Variants in GOLM1 observed in about 807,000 individuals in gnomAD.
The protein encoded by GOLM1 is golgi membrane protein 1.
GOLM1 carries 31 observed loss-of-function variants against 50.5 expected under a neutral mutation model. The observed-to-expected ratio is 0.61, with a 90% CI of 0.46 to 0.83. The LOEUF is 0.83. Ranked by LOEUF, GOLM1 falls within the 40% of genes least tolerant of loss-of-function variation. The pLI, the probability that GOLM1 is intolerant of heterozygous loss-of-function variation, is 0.00. For synonymous variants in GOLM1, 178 were observed against 192.8 expected, an observed-to-expected ratio of 0.92 and a Z score of 0.64; for missense variants, 491 against 501.3, an observed-to-expected ratio of 0.98 and a Z score of 0.20.
At chr9:86,070,831 T>G (rs34607617) in intron 3 of GOLM1, among the ~76,000 whole-genome samples, 49,569 of 151,582 alleles carry the variant, frequency 0.33, 10,265 homozygotes, top group Non-Finnish European at 0.47. Flanking sequence ...AAGAAAAGAG[T>G]GAAATATTAC....
At position 86,027,074 on chromosome 9, in the gene GOLM1, A is replaced by C; in HGVS notation, c.*743T>G. 1.0e-6 allele frequency: 1 copy of C among 985,254 alleles called. No homozygotes were observed. The highest frequency in any genetic ancestry group is 1.2e-6 in the Non-Finnish European group (1 of 829,884). 61.0% of individuals were successfully genotyped at this position (985,254 alleles called of 1,614,324 possible). On this transcript the variant is annotated 3_prime_UTR_variant, in exon 10 of 10. Coordinates refer to ENST00000388712, the MANE Select transcript of GOLM1 (RefSeq NM_016548.4). ...AATCTGCTTCTTGCTTTTCTTGGTAATATATATTTAGGGAAGATGTTGCTT... is the reference window on the plus strand; with the variant it reads ...AATCTGCTTCTTGCTTTTCTTGGTACTATATATTTAGGGAAGATGTTGCTT...
intron 1 of GOLM1, among the ~76,000 whole-genome samples, chr9:86,094,332 A>T (rs1030357441): frequency 6.6e-6 from 1 of 152,216 alleles, no homozygotes; most frequent in Non-Finnish European, 1.5e-5. Context: ...CCATTTAGAC[A>T]GTTTGTCAAC....
chr9:86,096,567 G>C (rs1459568263), intron 1 of GOLM1, among the ~76,000 whole-genome samples: 3 of 152,204 alleles, frequency 2.0e-5, no homozygotes, highest in Non-Finnish European at 4.4e-5. Context: ...TGCAAACACA[G>C]GACAGCAAAA....
At chr9:86,066,150 A>G (rs747610145) in intron 3 of GOLM1, among the ~76,000 whole-genome samples, 29 of 152,338 alleles carry the variant, frequency 1.9e-4, no homozygotes, top group Admixed American at 3.3e-4. Context: ...ATCTTTCAGC[A>G]AAAGTCACTC....
intron 3 of GOLM1, among the ~76,000 whole-genome samples, chr9:86,053,566 C>CT (rs1564347360): frequency 0.012 from 28 of 2,362 alleles, 1 homozygote; most frequent in Non-Finnish European, 0.026. Flanking sequence ...TACACACACA[C>CT]ACATCACACA....
intron 3 of GOLM1, among the ~76,000 whole-genome samples, chr9:86,076,129 AT>A (rs1017107285): frequency 1.3e-5 from 2 of 152,012 alleles, no homozygotes; most frequent in Non-Finnish European, 2.9e-5. Flanking sequence ...TAAAAGCCAA[AT>A]TTTTCAGGCC....
intron 3 of GOLM1, among the ~76,000 whole-genome samples, chr9:86,062,586 GAC>G (rs1834192869): frequency 6.6e-6 from 1 of 150,616 alleles, no homozygotes; most frequent in South Asian, 2.1e-4. Context: ...AGAGGAGAGA[GAC>G]AGGGTCTGGA....
intron 3 of GOLM1, among the ~76,000 whole-genome samples, chr9:86,056,138 TC>T (rs78122546): frequency 0.66 from 99,514 of 151,912 alleles, 33,286 homozygotes; most frequent in African/African-American, 0.78. Flanking sequence ...TTAGCTCCCC[TC>T]CCGACCCAAA....
chr9:86,097,813 A>G (rs1481603149), intron 1 of GOLM1, among the ~76,000 whole-genome samples: 1 of 152,112 alleles, frequency 6.6e-6, no homozygotes, highest in Non-Finnish European at 1.5e-5. Context: ...GGCCATATAT[A>G]TATAAACCCG....
chr9:86,092,936 C>A (rs940558408), intron 1 of GOLM1, among the ~76,000 whole-genome samples: 2 of 152,174 alleles, frequency 1.3e-5, no homozygotes, highest in African/African-American at 4.8e-5. Flanking sequence ...ATTTAATATT[C>A]ATTTTCATTT....
rs10780743 is a variant in GOLM1, at chr9:86,052,667, T to A, written c.310-76A>T. 1.4e-3 allele frequency: 1,776 copies of A among 1,274,518 alleles called. 27 individuals carry two copies. In the African/African-American group the frequency reaches 0.024, roughly 17 times the overall value. The allele number at this position is 1,274,518 out of a possible 1,614,324, so 79.0% of individuals were successfully genotyped here. On this transcript the variant is annotated intron_variant, in intron 3 of 9. Transcript: ENST00000388712. ...GACAGCCAGATGTGATACAAACCAA[T>A]GATGGGGCCTGTCCCCAACCCAGCG...
At chr9:86,038,693 G>T (rs1222717780) in intron 6 of GOLM1, among the ~76,000 whole-genome samples, 1 of 152,196 alleles carries the variant, frequency 6.6e-6, no homozygotes, top group Non-Finnish European at 1.5e-5. Context: ...GGGAAAAGCA[G>T]TCTTTCTTTC....
In GOLM1 at chr9:86,035,509, C is replaced by T. The variant is rs775533253; in HGVS notation, c.874G>A (p.Gly292Arg). 1 of 1,612,942 alleles carries T rather than the reference C, an allele frequency of 6.2e-7. No homozygotes were observed. The highest frequency in any genetic ancestry group is 1.1e-5 in the South Asian group (1 of 91,064). Residue 292 changes from glycine (G) to arginine (R), a missense_variant, in exon 8 of 10, where the codon GGA (glycine) becomes AGA (arginine). Gly to Arg is a moderately radical substitution (Grantham distance 125, BLOSUM62 -2). Transcript: ENST00000388712. ...DRPVGGRGFG[G>R]AGELGQTPQV... is the part of the protein sequence containing the mutation. Reference sequence around the variant, plus strand: ...GGGGTCTGGCCCAGTTCTCCGGCTCCCCCGAAGCCTCTTCCACCTACAGGT... The same window carrying T: ...GGGGTCTGGCCCAGTTCTCCGGCTCTCCCGAAGCCTCTTCCACCTACAGGT...
chr9:86,027,802 T>G lies in GOLM1; in HGVS notation c.*15A>C. On this transcript the variant is annotated 3_prime_UTR_variant, in exon 10 of 10. Coordinates refer to ENST00000388712, the MANE Select transcript of GOLM1 (RefSeq NM_016548.4). ...CTCTTCGGCCCTGTTGTGAAATATG[T>G]GATTCCAGTTCAATTCAGAGTGTAT... is the stretch of plus-strand genomic sequence containing the variant. 1 of 1,611,634 alleles carries G rather than the reference T, an allele frequency of 6.2e-7. No individual in the cohort carries two copies. The highest frequency in any genetic ancestry group is 8.5e-7 in the Non-Finnish European group (1 of 1,178,514).
chr9:86,063,276 C>G (rs1834213168), intron 3 of GOLM1, among the ~76,000 whole-genome samples: 1 of 152,240 alleles, frequency 6.6e-6, no homozygotes, highest in East Asian at 1.9e-4. Context: ...TGTGCAAGGG[C>G]TGGAGGCCTG....
intron 1 of GOLM1, among the ~76,000 whole-genome samples, chr9:86,093,608 A>G (rs1835254982): frequency 6.8e-6 from 1 of 146,596 alleles, no homozygotes; most frequent in Non-Finnish European, 1.5e-5. Context: ...AGAAAAGGAA[A>G]AAACTGCATA....
intron 3 of GOLM1, among the ~76,000 whole-genome samples, chr9:86,071,540 G>A (rs1834448007): frequency 6.6e-6 from 1 of 151,912 alleles, no homozygotes; most frequent in Admixed American, 6.6e-5. Context: ...TTAGCCGGGT[G>A]TGGTGGTGCA....
At position 86,099,441 on chromosome 9, in the gene GOLM1, G is replaced by T. The variant is rs896411101; in HGVS notation, c.-52C>A. On this transcript the variant is annotated 5_prime_UTR_variant, in exon 1 of 10. Coordinates refer to ENST00000388712, the MANE Select transcript of GOLM1 (RefSeq NM_016548.4). ...TTCGAGGCTCCGGCCGCCACTCGGG[G>T]ATCCGGGGCCCCGCTACGAGGCCGC... 1 of 151,456 alleles carries T rather than the reference G, an allele frequency of 6.6e-6. No homozygotes were observed. Among genetic ancestry groups the T allele is most frequent in the African/African-American group, 2.4e-5 (1 of 41,306 alleles). The allele number at this position is 151,456 out of a possible 1,614,324, so 9.4% of individuals were successfully genotyped here.
At chr9:86,069,503 C>T (rs910079343) in intron 3 of GOLM1, among the ~76,000 whole-genome samples, 3 of 152,204 alleles carry the variant, frequency 2.0e-5, no homozygotes, top group South Asian at 2.1e-4. Flanking sequence ...GAGTCTCACT[C>T]ATCTGAAGTA....
Sources: allele counts gnomAD v4.1 joint callset (sites outside exome capture counted in the v4.1 genomes callset), GRCh38; gene constraint gnomAD v4.1.1; transcripts MANE v1.5; gene names NCBI Gene and HGNC (gene_info 2026-07-23, HGNC 2026-07-21).